SAG: variants seen among roughly 807,000 people sequenced by gnomAD.
SAG encodes the protein S-antigen visual arrestin.
A neutral mutation model predicts 55.0 loss-of-function variants in SAG; 45 were observed. The ratio of observed to expected loss-of-function variants is 0.82; its 90% CI spans 0.64 to 1.05. SAG has a LOEUF of 1.05. SAG is among the 50% of genes least tolerant of loss of function. The probability of loss-of-function intolerance (pLI) is 0.00; values close to 1 mark genes in which losing one functional copy is unlikely to be tolerated. For synonymous variants in SAG, 189 were observed against 197.4 expected, an observed-to-expected ratio of 0.96 and a Z score of 0.36; for missense variants, 455 against 512.1, an observed-to-expected ratio of 0.89 and a Z score of 1.08.
At chr2:233,318,935 C>G in intron 4 of SAG, 140 bp downstream of exon 4, 1 of 775,068 alleles carries the variant, frequency 1.3e-6, no homozygotes. Context: ...CAGTGCCAGG[C>G]CCACTGACCC....
In SAG at chr2:233,310,953, G is replaced by A. The variant is rs143259787; in HGVS notation, c.75+1689G>A. On this transcript the variant is annotated intron_variant, in intron 2 of 15. Transcript: ENST00000409110. ...CTCGGTCATTTTAATCAAGTACTCTGATTCTTTCGTTCTCCAAGCCCTTTC... is the reference window on the plus strand; with the variant it reads ...CTCGGTCATTTTAATCAAGTACTCTAATTCTTTCGTTCTCCAAGCCCTTTC... Among the ~76,000 whole-genome samples the A allele has an allele frequency of 5.7e-3, 860 of 152,150 alleles. 3 individuals are homozygous for A. The highest frequency in any genetic ancestry group is 9.9e-3 in the Admixed American group (152 of 15,278).
At chr2:233,346,717 G>A in intron 15 of SAG, 90 bp from the exon 16 acceptor site, 1 of 925,534 alleles carries the variant, frequency 1.1e-6, no homozygotes, top group Non-Finnish European at 1.7e-6. Flanking sequence ...ACCTTGATCA[G>A]TTCCTTCGTT....
chr2:233,319,955 T>C lies in SAG; in HGVS notation c.182-675T>C. ...TGCTTTATATTTGAGAAATATGTGC[T>C]TCGTGTCTTTTTTAGAAGGTGTAGT... On this transcript the variant is annotated intron_variant, in intron 4 of 15. Transcript: ENST00000409110. The surrounding 1 kb of genome is among the most constrained non-coding windows in gnomAD (Gnocchi z 4.4). The C allele has an allele frequency of 2.0e-6, 2 of 985,518 alleles. No homozygotes were observed. Among genetic ancestry groups the C allele is most frequent in the Non-Finnish European group, 2.4e-6 (2 of 829,946 alleles). 61.0% of individuals were successfully genotyped at this position (985,518 alleles called of 1,614,324 possible).
rs1338943725 is a variant in SAG at position 233,346,426 on chromosome 2, T to C, written c.1112+14T>C. 9 of 1,613,708 alleles carry C rather than the reference T, an allele frequency of 5.6e-6. No homozygotes were observed. Among genetic ancestry groups the C allele is most frequent in the Non-Finnish European group, 7.6e-6 (9 of 1,179,604 alleles). ...AGCTAAGGAAAGGTGAGTGAGCCTC[T>C]TGAATGTGGCCCTGATTTGTCCTAT... is the stretch of plus-strand genomic sequence containing the variant. On this transcript the variant is annotated intron_variant, in intron 15 of 15. Transcript: ENST00000409110.
At position 233,346,902 on chromosome 2, in the gene SAG, T is replaced by C. The variant is rs1046976; in HGVS notation, c.1208T>C (p.Val403Ala). 145,067 of 1,596,666 alleles carry C rather than the reference T, an allele frequency of 0.091. 7,738 individuals are homozygous for C. Among genetic ancestry groups the C allele is most frequent in the African/African-American group, 0.24 (17,790 of 74,714 alleles). The change falls in exon 16 of 16, where the codon GTT becomes GCT. Residue 403 changes from valine (V) to alanine (A), a missense_variant. Val to Ala is a moderately conservative substitution (Grantham distance 64). Coordinates refer to ENST00000409110, the MANE Select transcript of SAG (RefSeq NM_000541.5). The stretch of plus-strand genomic sequence containing the variant: ...GAGGGGAAGAGAGACAAGAATGACG[T>C]TGATGAGTGAAGATGTCGGCTCAGG... ...AEEGKRDKND[V>A]DE
intron 11 of SAG, among the ~76,000 whole-genome samples, chr2:233,335,983 G>C (rs1440841257): frequency 6.6e-6 from 1 of 152,242 alleles, no homozygotes; most frequent in East Asian, 1.9e-4. Context: ...CTGAGACCAA[G>C]AGTGGGGAAC....
At chr2:233,310,506 CT>C (rs967605903) in intron 2 of SAG, among the ~76,000 whole-genome samples, 2,380 of 115,366 alleles carry the variant, frequency 0.021, 25 homozygotes, top group African/African-American at 0.076. Flanking sequence ...ATCATTCTGG[CT>C]TTTTTTTTTT....
At chr2:233,322,488 A>C (rs2125330236) in intron 5 of SAG, among the ~76,000 whole-genome samples, 1 of 152,282 alleles carries the variant, frequency 6.6e-6, no homozygotes, top group Admixed American at 6.5e-5. Context: ...ATTTCTGTAA[A>C]ACGTCTTCTC....
intron 6 of SAG, among the ~76,000 whole-genome samples, chr2:233,323,900 T>C (rs1700465147): frequency 6.6e-6 from 1 of 151,970 alleles, no homozygotes; most frequent in African/African-American, 2.4e-5. Context: ...TGGCCACAGA[T>C]GCTGTGGAGA....
chr2:233,346,671 GA>G, intron 15 of SAG, 135 bp from the exon 16 acceptor site: 1 of 761,232 alleles, frequency 1.3e-6, no homozygotes, highest in Non-Finnish European at 2.3e-6. Flanking sequence ...AAGCCTTGAG[GA>G]AAATGGCGTG....
chr2:233,336,917 G>A (rs374872515), intron 11 of SAG, among the ~76,000 whole-genome samples: 3 of 152,068 alleles, frequency 2.0e-5, no homozygotes, highest in Non-Finnish European at 4.4e-5. Context: ...GCAACATGGC[G>A]AAAACCCATA....
intron 13 of SAG, 131 bp from the exon 14 acceptor site, chr2:233,342,140 A>AAT: frequency 4.5e-6 from 3 of 666,934 alleles, no homozygotes; most frequent in East Asian, 2.9e-5. Flanking sequence ...AAAAAAAAAA[A>AAT]GTTCCCACTG....
intron 11 of SAG, 80 bp downstream of exon 11, chr2:233,335,179 G>C: frequency 6.6e-7 from 1 of 1,524,110 alleles, no homozygotes; most frequent in African/African-American, 1.4e-5. Context: ...CACCCTGCTG[G>C]GCTCGCAGGC....
In SAG at chr2:233,327,213, C is replaced by T. The variant is rs115018398; in HGVS notation, c.512+16C>T. 1.5e-4 allele frequency: 234 copies of T among 1,607,578 alleles called. No homozygotes were observed. In the African/African-American group the frequency reaches 2.6e-3, roughly 18 times the overall value. On this transcript the variant is annotated intron_variant, in intron 7 of 15. Coordinates refer to ENST00000409110, the MANE Select transcript of SAG (RefSeq NM_000541.5). ...TCCCCAAGAAGTAAGAGTATGGTTG[C>T]GGAATAGGTGAGGGGTCTGCGGTGG...
chr2:233,329,962 T>C (rs1700695969), intron 9 of SAG, among the ~76,000 whole-genome samples: 1 of 152,220 alleles, frequency 6.6e-6, no homozygotes, highest in Admixed American at 6.5e-5. Context: ...AGGGGCTCCT[T>C]GTCTACCTTC....
chr2:233,312,574 A>G (rs1379996949), intron 2 of SAG, among the ~76,000 whole-genome samples: 2 of 152,192 alleles, frequency 1.3e-5, no homozygotes, highest in Non-Finnish European at 2.9e-5. Context: ...CAAGTCTTTC[A>G]TCCTGCTTAA....
In SAG at chr2:233,311,616, G is replaced by A. The variant is rs1207879071; in HGVS notation, c.75+2352G>A. 6.6e-5 allele frequency among the ~76,000 whole-genome samples: 10 copies of A among 152,054 alleles called. No homozygotes were observed. The East Asian group carries it at 1.7e-3, about 26-fold the overall frequency. On this transcript the variant is annotated intron_variant, in intron 2 of 15. Transcript: ENST00000409110. ...GTGTGTGGCTGTTGGATGGGCCCCC[G>A]AAGGCTGGCTACAGTCTCACATCAC...
chr2:233,317,747 T>C (rs527867849), intron 3 of SAG, among the ~76,000 whole-genome samples: 1 of 152,362 alleles, frequency 6.6e-6, no homozygotes, highest in East Asian at 1.9e-4. Context: ...GGTACATCCA[T>C]TCAATGGAGT....
At chr2:233,327,293 A>G (rs1190836787) in intron 7 of SAG, 96 bp downstream of exon 7, 11 of 988,314 alleles carry the variant, frequency 1.1e-5, no homozygotes, top group Admixed American at 1.8e-5. Flanking sequence ...ACCTCTTCCC[A>G]TAGGGCTGGC....
Sources: allele counts gnomAD v4.1 joint callset (sites outside exome capture counted in the v4.1 genomes callset), GRCh38; gene constraint gnomAD v4.1.1; non-coding constraint Gnocchi (gnomAD v3.1); transcripts MANE v1.5; gene names NCBI Gene and HGNC (gene_info 2026-07-23, HGNC 2026-07-21).